The following XIRP2 variants were observed in gnomAD, a reference collection of about 807,000 sequenced individuals.
XIRP2 encodes xin actin binding repeat containing 2.
In XIRP2, 236 loss-of-function variants were observed where a neutral mutation model predicts 277.0. That is an observed-to-expected ratio of 0.85 (90% CI 0.77 to 0.95). The LOEUF (loss-of-function observed/expected upper bound fraction) is 0.95. Ranked by LOEUF, XIRP2 falls within the 40% of genes least tolerant of loss-of-function variation. XIRP2 has a pLI of 0.00. For missense variants in XIRP2, 4,640 were observed against 4,157.5 expected (o/e 1.12, Z -3.19); for synonymous variants, 1,490 against 1,416.5 (o/e 1.05, Z -1.17).
intron 2 of XIRP2, among the ~76,000 whole-genome samples, chr2:167,118,609 C>A (rs1193245590): frequency 1.3e-5 from 2 of 152,192 alleles, no homozygotes; most frequent in Admixed American, 6.5e-5. Context: ...TTCCTCCCTT[C>A]CCTCTGGAGG....
At chr2:167,029,218 G>T (rs1280222432) in intron 2 of XIRP2, among the ~76,000 whole-genome samples, 1 of 151,940 alleles carries the variant, frequency 6.6e-6, no homozygotes, top group African/African-American at 2.4e-5. Flanking sequence ...TTGCCTGATT[G>T]CCCTGGCCAG....
rs544647215 is a variant in XIRP2 at position 167,250,943 on chromosome 2, G to A, written c.9551G>A (p.Arg3184Lys). The change falls in exon 9 of 11, where the codon AGA becomes AAA. Residue 3184 changes from arginine to lysine, a missense_variant. Transcript: ENST00000409195. Reference protein sequence around the residue: ...PPRSRSEQLVRLKDTTAKLSK... With the variant: ...PPRSRSEQLVKLKDTTAKLSK... ...AGGAGTCGCTCTGAACAACTTGTCAGACTCAAAGACACCACTGCAAAGTTA... is the reference window on the plus strand; with the variant it reads ...AGGAGTCGCTCTGAACAACTTGTCAAACTCAAAGACACCACTGCAAAGTTA... 6.2e-7 allele frequency: 1 copy of A among 1,613,458 alleles called. No homozygotes were observed. Among genetic ancestry groups the A allele is most frequent in the Non-Finnish European group, 8.5e-7 (1 of 1,179,710 alleles).
Position 167,248,603 on chromosome 2 carries a change from C to T in XIRP2, c.7211C>T (p.Ser2404Phe). 1 of 1,613,756 alleles carries T rather than the reference C, an allele frequency of 6.2e-7. No homozygotes were observed. The highest frequency in any genetic ancestry group is 8.5e-7 in the Non-Finnish European group (1 of 1,179,830). Residue 2404 changes from serine to phenylalanine, a missense_variant, in exon 9 of 11, where the codon TCT (serine) becomes TTT (phenylalanine). Coordinates refer to ENST00000409195, the MANE Select transcript of XIRP2 (RefSeq NM_152381.6). ...TATTCCCAAAAAGAAGCCTCGAACT[C>T]TCAGAATTCTCAGGCTAAAATCATA... ...QQYSQKEASN[S>F]QNSQAKIITG... is the part of the protein sequence containing the mutation.
At chr2:167,211,224 A>G (rs1288332564) in intron 4 of XIRP2, among the ~76,000 whole-genome samples, 1 of 151,710 alleles carries the variant, frequency 6.6e-6, no homozygotes, top group African/African-American at 2.4e-5. Context: ...CAGCCTCCCG[A>G]GTAGCTGGGA....
chr2:166,895,262 C>T (rs1410195153), intron 1 of XIRP2, among the ~76,000 whole-genome samples: 1 of 152,130 alleles, frequency 6.6e-6, no homozygotes, highest in Non-Finnish European at 1.5e-5. Flanking sequence ...GTATTATGCC[C>T]TGATGCTTCA....
At chr2:167,091,366 T>C (rs1168119069) in intron 2 of XIRP2, among the ~76,000 whole-genome samples, 1 of 152,160 alleles carries the variant, frequency 6.6e-6, no homozygotes, top group Non-Finnish European at 1.5e-5. Context: ...CTTATGCACT[T>C]ATCCGTATTT....
chr2:166,948,811 G>A lies in XIRP2; in HGVS notation c.408+44921G>A, dbSNP rs557785626. 3.9e-5 allele frequency among the ~76,000 whole-genome samples: 6 copies of A among 152,106 alleles called. No homozygotes were observed. In the South Asian group the frequency reaches 1.2e-3, roughly 32 times the overall value. ...CATTTAATTAATTAGGGAACCAACA[G>A]AAAGACAAGAGAGCTGATTCCCAGA... On this transcript the variant is annotated intron_variant, in intron 2 of 10. Coordinates refer to ENST00000409195, the MANE Select transcript of XIRP2 (RefSeq NM_152381.6).
At position 167,245,054 on chromosome 2, in the gene XIRP2, A is replaced by G. The variant is rs377114620; in HGVS notation, c.3662A>G (p.Lys1221Arg). 2 of 1,611,488 alleles carry G rather than the reference A, an allele frequency of 1.2e-6. No individual in the cohort carries two copies. Among genetic ancestry groups the G allele is most frequent in the Non-Finnish European group, 8.5e-7 (1 of 1,179,284 alleles). The change falls in exon 9 of 11, where the codon AAA becomes AGA. Residue 1221 changes from lysine to arginine, a missense_variant. Physicochemically the swap from Lys to Arg is conservative, Grantham distance 26. Transcript: ENST00000409195. ...AGTTCTAGTTCAGAGGAAGTTTTGA[A>G]AAAGATCAAAACCTTAAAAACTGAA... is the stretch of plus-strand genomic sequence containing the variant. Reference protein sequence around the residue: ...SISSSSEEVLKKIKTLKTEDI... With the variant: ...SISSSSEEVLRKIKTLKTEDI...
intron 2 of XIRP2, among the ~76,000 whole-genome samples, chr2:166,933,961 TA>T (rs949433893): frequency 5.3e-5 from 8 of 150,686 alleles, no homozygotes; most frequent in African/African-American, 7.3e-5. Flanking sequence ...GGACACACGT[TA>T]AAAAAAAATC....
chr2:166,898,065 C>A (rs1205095243), intron 1 of XIRP2, among the ~76,000 whole-genome samples: 2 of 152,018 alleles, frequency 1.3e-5, no homozygotes, highest in East Asian at 3.9e-4. Context: ...TATTTCCTGG[C>A]CCAGGCTATA....
At chr2:166,995,421 C>A (rs1422765970) in intron 2 of XIRP2, among the ~76,000 whole-genome samples, 1 of 152,158 alleles carries the variant, frequency 6.6e-6, no homozygotes, top group African/African-American at 2.4e-5. Context: ...ACGGAGAATT[C>A]TTGGCCAGGA....
intron 5 of XIRP2, among the ~76,000 whole-genome samples, chr2:167,231,410 A>T (rs1340052574): frequency 6.6e-6 from 1 of 151,972 alleles, no homozygotes; most frequent in Non-Finnish European, 1.5e-5. Context: ...AGCCCAAATC[A>T]GTTTTTTTTA....
Position 167,240,746 on chromosome 2 carries a change from T to C in XIRP2, c.1042+10T>C, listed in dbSNP as rs373823870. Reference sequence around the variant, plus strand: ...TATGTTCAAGAAACTGGTAAGAGTCTGGTATTATTGGTTCCAATACTCCTT... The same window carrying C: ...TATGTTCAAGAAACTGGTAAGAGTCCGGTATTATTGGTTCCAATACTCCTT... On this transcript the variant is annotated intron_variant, in intron 7 of 10. Coordinates refer to ENST00000409195, the MANE Select transcript of XIRP2 (RefSeq NM_152381.6). 2 of 1,610,240 alleles carry C rather than the reference T, an allele frequency of 1.2e-6. No homozygotes were observed. The highest frequency in any genetic ancestry group is 1.7e-6 in the Non-Finnish European group (2 of 1,176,634).
chr2:166,996,012 A>C (rs1687212012), intron 2 of XIRP2, among the ~76,000 whole-genome samples: 1 of 152,146 alleles, frequency 6.6e-6, no homozygotes. Flanking sequence ...CCCTCCATTT[A>C]TATGAGTCTT....
chr2:167,249,464 A>C lies in XIRP2; in HGVS notation c.8072A>C (p.Lys2691Thr). 6.2e-7 allele frequency: 1 copy of C among 1,613,896 alleles called. No individual in the cohort carries two copies. Among genetic ancestry groups the C allele is most frequent in the Non-Finnish European group, 8.5e-7 (1 of 1,179,850 alleles). The change falls in exon 9 of 11, where the codon AAG becomes ACG. Residue 2691 changes from lysine to threonine, a missense_variant. Physicochemically the swap from Lys to Thr is moderately conservative, Grantham distance 78 (BLOSUM62 -1). Transcript: ENST00000409195. Reference protein sequence around the residue: ...ECSTQQTQQKKYLEQLHLPQS... With the variant: ...ECSTQQTQQKTYLEQLHLPQS... ...AGTACCCAACAAACACAACAGAAGA[A>C]GTATTTGGAGCAGTTGCACTTGCCC...
chr2:167,085,309 A>G (rs1689899835), intron 2 of XIRP2, among the ~76,000 whole-genome samples: 4 of 151,462 alleles, frequency 2.6e-5, no homozygotes, highest in Admixed American at 2.0e-4. Flanking sequence ...TCTGAGAGAG[A>G]GTTTGTTATA....
intron 2 of XIRP2, among the ~76,000 whole-genome samples, chr2:166,961,981 T>C (rs1686309513): frequency 6.6e-6 from 1 of 151,652 alleles, no homozygotes; most frequent in South Asian, 2.1e-4. Flanking sequence ...AGAAGAATTG[T>C]GTTATGTACC....
At chr2:167,043,961 G>C (rs542566762) in intron 2 of XIRP2, among the ~76,000 whole-genome samples, 1 of 151,852 alleles carries the variant, frequency 6.6e-6, no homozygotes, top group Non-Finnish European at 1.5e-5. Flanking sequence ...AACAGGAAGA[G>C]AGATAAGAAA....
chr2:167,108,644 A>G (rs1574262074), intron 2 of XIRP2, among the ~76,000 whole-genome samples: 2 of 152,114 alleles, frequency 1.3e-5, no homozygotes, highest in Admixed American at 6.6e-5. Flanking sequence ...AATCGTTTAC[A>G]AAGATCAGAG....
Sources: gnomAD v4.1 joint callset for allele counts (sites outside exome capture counted in the v4.1 genomes callset) on GRCh38, gnomAD v4.1.1 for gene constraint, MANE v1.5 for transcripts, NCBI Gene and HGNC (gene_info 2026-07-23, HGNC 2026-07-21) for gene names.